Variants in FAM151B observed in about 807,000 individuals in gnomAD.
FAM151B encodes family with sequence similarity 151 member B.
Under a neutral mutation model 31.2 loss-of-function variants are expected in FAM151B, and 24 were observed. The observed-to-expected ratio is 0.77, with a 90% CI of 0.56 to 1.08. FAM151B has a LOEUF of 1.08. FAM151B is among the 50% of genes least tolerant of loss of function. FAM151B has a pLI of 0.00. For synonymous variants in FAM151B, 105 were observed against 111.4 expected, an observed-to-expected ratio of 0.94 and a Z score of 0.36; for missense variants, 293 against 328.6, an observed-to-expected ratio of 0.89 and a Z score of 0.84.
At chr5:80,517,013 C>T (rs985794424) in intron 3 of FAM151B, among the ~76,000 whole-genome samples, 31 of 152,176 alleles carry the variant, frequency 2.0e-4, no homozygotes, top group African/African-American at 6.5e-4. Context: ...GGGTGTGACT[C>T]ATCCCTTCCC....
At chr5:80,503,670 C>A (rs1743834422) in intron 2 of FAM151B, among the ~76,000 whole-genome samples, 1 of 151,910 alleles carries the variant, frequency 6.6e-6, no homozygotes, top group African/African-American at 2.4e-5. Context: ...TCTAGAAATA[C>A]AACTTAAAAA....
intron 4 of FAM151B, 125 bp from the exon 5 acceptor site, chr5:80,521,878 G>A (rs1449865315): frequency 1.7e-6 from 1 of 588,654 alleles, no homozygotes; most frequent in African/African-American, 1.9e-5. Flanking sequence ...AATCCAAATG[G>A]AAAGTATTAT....
intron 5 of FAM151B, among the ~76,000 whole-genome samples, chr5:80,528,847 G>C (rs1028931632): frequency 6.6e-6 from 1 of 152,044 alleles, no homozygotes; most frequent in Non-Finnish European, 1.5e-5. Context: ...AAGTTAACAA[G>C]GATATCCAGG....
At chr5:80,505,406 CT>C (rs1244391496) in intron 2 of FAM151B, among the ~76,000 whole-genome samples, 14 of 123,760 alleles carry the variant, frequency 1.1e-4, no homozygotes, top group African/African-American at 5.4e-4. Context: ...TTTTTTTTTT[CT>C]TTTTTGAGAC....
intron 3 of FAM151B, among the ~76,000 whole-genome samples, chr5:80,514,551 A>G (rs967763972): frequency 9.9e-5 from 15 of 151,206 alleles, no homozygotes; most frequent in Non-Finnish European, 2.9e-5. Flanking sequence ...GAAGAGCAAG[A>G]GTAAGCTGTC....
intron 5 of FAM151B, among the ~76,000 whole-genome samples, chr5:80,535,258 G>A (rs1015815848): frequency 6.6e-6 from 1 of 152,090 alleles, no homozygotes; most frequent in Non-Finnish European, 1.5e-5. Context: ...ATCCTAAACT[G>A]TATATGGAAC....
chr5:80,534,578 A>C (rs879617419), intron 5 of FAM151B, among the ~76,000 whole-genome samples: 2 of 152,180 alleles, frequency 1.3e-5, no homozygotes, highest in Non-Finnish European at 2.9e-5. Context: ...AAAAACCCAC[A>C]AAAAAACTGG....
At position 80,513,619 on chromosome 5, in the gene FAM151B, T is replaced by C. The variant is rs1744284132; in HGVS notation, c.167T>C (p.Ile56Thr). The C allele has an allele frequency of 6.2e-7, 1 of 1,613,370 alleles. No individual in the cohort carries two copies. The highest frequency in any genetic ancestry group is 1.3e-5 in the African/African-American group (1 of 75,006). ...ATTTGGACAGGTACTGCTCACATGA[T>C]AGAGGCTGATGTCCTTCTTCCAAGT... is the stretch of plus-strand genomic sequence containing the variant. ...NEALKSTAHM[I>T]EADVLLPSDG... Residue 56 changes from isoleucine to threonine, a missense_variant, in exon 3 of 6, where the codon ATA becomes ACA. Physicochemically the swap from Ile to Thr is moderately conservative, Grantham distance 89. Coordinates refer to ENST00000282226, the MANE Select transcript of FAM151B (RefSeq NM_205548.3).
chr5:80,531,118 C>G (rs1003222480), intron 5 of FAM151B, among the ~76,000 whole-genome samples: 43 of 152,052 alleles, frequency 2.8e-4, no homozygotes, highest in African/African-American at 9.4e-4. Context: ...ACAAACCTGA[C>G]AAAAACAAGA....
intron 5 of FAM151B, among the ~76,000 whole-genome samples, chr5:80,538,921 T>C (rs1170325660): frequency 6.6e-6 from 1 of 151,824 alleles, no homozygotes; most frequent in East Asian, 1.9e-4. Flanking sequence ...AAACAAAAGA[T>C]GTTATGGTAT....
At chr5:80,501,434 TC>T in intron 1 of FAM151B, 1 of 442,086 alleles carries the variant, frequency 2.3e-6, no homozygotes, top group South Asian at 2.8e-5. Context: ...TCTAAGCTGG[TC>T]AGTTAGTAAA....
chr5:80,541,028 A>T (rs1442344929), intron 5 of FAM151B, among the ~76,000 whole-genome samples: 1 of 152,254 alleles, frequency 6.6e-6, no homozygotes, highest in African/African-American at 2.4e-5. Flanking sequence ...TAGTAGTGTC[A>T]CCAGAAGAAA....
chr5:80,500,037 G>A (rs1357387726), intron 1 of FAM151B: 2 of 191,762 alleles, frequency 1.0e-5, no homozygotes, highest in East Asian at 1.5e-4. Context: ...ACAAACTGTG[G>A]TACATAGATA....
intron 5 of FAM151B, among the ~76,000 whole-genome samples, chr5:80,533,038 C>G (rs79924977): frequency 6.6e-6 from 1 of 151,944 alleles, no homozygotes; most frequent in African/African-American, 2.4e-5. Context: ...GTGCCTACAT[C>G]GAAAATTTTT....
At chr5:80,509,630 C>A (rs1443063330) in intron 2 of FAM151B, among the ~76,000 whole-genome samples, 1 of 152,190 alleles carries the variant, frequency 6.6e-6, no homozygotes, top group African/African-American at 2.4e-5. Context: ...CTCTTGCCAG[C>A]TGGAGAGGAC....
intron 5 of FAM151B, among the ~76,000 whole-genome samples, chr5:80,526,801 C>T (rs983910119): frequency 6.6e-6 from 1 of 151,832 alleles, no homozygotes; most frequent in Non-Finnish European, 1.5e-5. Context: ...TTTGGCTCTC[C>T]AGCAGACAAT....
intron 2 of FAM151B, among the ~76,000 whole-genome samples, chr5:80,504,472 A>G (rs1012672488): frequency 7.8e-6 from 1 of 128,462 alleles, no homozygotes; most frequent in Non-Finnish European, 1.6e-5. Flanking sequence ...TTTTTTTTCT[A>G]TCTATTGGAA....
chr5:80,495,562 G>A (rs113727014), intron 1 of FAM151B, among the ~76,000 whole-genome samples: 502 of 152,298 alleles, frequency 3.3e-3, no homozygotes, highest in Non-Finnish European at 4.9e-3. Flanking sequence ...AGGGCGCAGC[G>A]GCTCATGCCT....
At chr5:80,511,878 A>G (rs1276111953) in intron 2 of FAM151B, among the ~76,000 whole-genome samples, 1 of 152,194 alleles carries the variant, frequency 6.6e-6, no homozygotes, top group African/African-American at 2.4e-5. Flanking sequence ...AAGTGCTAGG[A>G]TTATAAGCGT....
Sources: gnomAD v4.1 joint callset for allele counts (sites outside exome capture counted in the v4.1 genomes callset) on GRCh38, gnomAD v4.1.1 for gene constraint, MANE v1.5 for transcripts, NCBI Gene and HGNC (gene_info 2026-07-23, HGNC 2026-07-21) for gene names.